The following HELLS variants were observed in gnomAD, a reference collection of about 807,000 sequenced individuals.
HELLS encodes the protein lymphoid-specific helicase.
In HELLS, 32 loss-of-function variants were observed where a neutral mutation model predicts 120.0. That is an observed-to-expected ratio of 0.27 (90% confidence interval 0.20 to 0.36). HELLS has a LOEUF of 0.36. HELLS is among the 10% of genes least tolerant of loss of function. HELLS has a pLI of 1.00. For missense variants in HELLS, 650 were observed against 993.4 expected, an observed-to-expected ratio of 0.65 and a Z score of 4.65; for synonymous variants, 341 against 323.4, an observed-to-expected ratio of 1.05 and a Z score of -0.58.
At position 94,576,781 on chromosome 10, in the gene HELLS, C is replaced by T; in HGVS notation, c.1008C>T (p.Ala336=). ...TGGTAATCACGTCATTTGAAATAGC[C>T]ATGAGAGACCGAAATGCGTTACAGG... ...HPVVITSFEI[A]MRDRNALQHC... is the part of the protein sequence containing the mutation. Residue 336 remains alanine (A), a synonymous_variant, in exon 10 of 22, where the codon GCC becomes GCT. Transcript: ENST00000348459. 1.2e-6 allele frequency: 2 copies of T among 1,607,870 alleles called. No homozygotes were observed. Among genetic ancestry groups the T allele is most frequent in the South Asian group, 1.1e-5 (1 of 89,832 alleles).
At chr10:94,584,442 A>AT (rs1033211214) in intron 12 of HELLS, among the ~76,000 whole-genome samples, 43 of 152,186 alleles carry the variant, frequency 2.8e-4, no homozygotes, top group African/African-American at 9.9e-4. Context: ...CAATGCACCA[A>AT]TAGTTATAGA....
chr10:94,578,284 C>T (rs775309535), intron 10 of HELLS, among the ~76,000 whole-genome samples: 1 of 151,962 alleles, frequency 6.6e-6, no homozygotes, highest in African/African-American at 2.4e-5. Context: ...GCACCAGGAA[C>T]CGGTTTTGTG....
chr10:94,565,900 A>AT (rs34468351), intron 6 of HELLS, among the ~76,000 whole-genome samples: 24,739 of 148,030 alleles, frequency 0.17, 2,271 homozygotes, highest in East Asian at 0.37. Flanking sequence ...ATGAAATTGA[A>AT]TTTTTTTTTT....
chr10:94,578,011 C>T (rs996196502), intron 10 of HELLS, among the ~76,000 whole-genome samples: 1 of 145,334 alleles, frequency 6.9e-6, no homozygotes, highest in Non-Finnish European at 1.5e-5. Context: ...TGCAGTGAGC[C>T]GAGATTGCGC....
At chr10:94,563,008 A>ACCTTTGAATTTAATATTATATATCCACC in intron 6 of HELLS, 132 bp downstream of exon 6, 1 of 618,674 alleles carries the variant, frequency 1.6e-6, no homozygotes, top group Non-Finnish European at 2.8e-6. Flanking sequence ...ATTATATATC[A>ACCTTTGAATTTAATATTATATATCCACC]TTTATAGGTG....
In HELLS at chr10:94,573,968, C is replaced by T; in HGVS notation, c.486C>T (p.Asn162=). 6.3e-7 allele frequency: 1 copy of T among 1,592,238 alleles called. No homozygotes were observed. The highest frequency in any genetic ancestry group is 1.1e-5 in the South Asian group (1 of 89,888). ...ACTTTTTTTCTCTACAGGATGAAAA[C>T]TCCTCCTCTACTAATCTCTGTGTGG... is the stretch of plus-strand genomic sequence containing the variant. The part of the protein sequence containing the change: ...KKNKKENEDE[N]SSSTNLCVED... The change falls in exon 8 of 22, where the codon AAC becomes AAT. Residue 162 remains asparagine (N), a synonymous_variant. Transcript: ENST00000348459.
At chr10:94,574,782 C>G (rs772101368) in intron 9 of HELLS, 46 bp downstream of exon 9, 22 of 1,450,506 alleles carry the variant, frequency 1.5e-5, no homozygotes, top group Non-Finnish European at 2.1e-5. Flanking sequence ...TACATGTTTT[C>G]TTATGCTTTG....
Position 94,574,156 on chromosome 10 carries a change from G to A in HELLS, c.674G>A (p.Trp225Ter). 6.2e-7 allele frequency: 1 copy of A among 1,613,652 alleles called. No individual in the cohort carries two copies. The highest frequency in any genetic ancestry group is 8.5e-7 in the Non-Finnish European group (1 of 1,179,666). The change falls in exon 8 of 22, where the codon TGG becomes TAG. Residue 225 changes from tryptophan to a stop codon, truncating the protein, a stop_gained. Coordinates refer to ENST00000348459, the MANE Select transcript of HELLS (RefSeq NM_018063.5). LOFTEE classifies it high-confidence loss of function. ...PKHFTGGVMRWYQVEGMEWLR... is the reference protein window; with the variant it reads ...PKHFTGGVMR ...CACTTCACTGGAGGAGTGATGCGAT[G>A]GTACCAAGTAGAAGGCATGGAATGG...
chr10:94,591,034 A>G (rs1054608830), intron 15 of HELLS, among the ~76,000 whole-genome samples: 7 of 152,088 alleles, frequency 4.6e-5, no homozygotes, highest in African/African-American at 1.7e-4. Flanking sequence ...GGGTCTTGCT[A>G]TGTTTCTCAG....
chr10:94,574,822 T>C, intron 9 of HELLS, 86 bp downstream of exon 9: 1 of 960,236 alleles, frequency 1.0e-6, no homozygotes. Context: ...GTAGAACTCT[T>C]ATAATTATAT....
At chr10:94,548,085 T>A (rs1842822196) in intron 2 of HELLS, among the ~76,000 whole-genome samples, 1 of 152,222 alleles carries the variant, frequency 6.6e-6, no homozygotes, top group South Asian at 2.1e-4. Flanking sequence ...TGATAAATAC[T>A]TCATACTACT....
intron 12 of HELLS, among the ~76,000 whole-genome samples, chr10:94,583,692 CT>C (rs1451792131): frequency 6.6e-6 from 1 of 152,128 alleles, no homozygotes; most frequent in African/African-American, 2.4e-5. Context: ...AATCCAAACT[CT>C]TTTCTGTCTT....
At chr10:94,582,900 C>A in intron 11 of HELLS, 63 bp from the exon 12 acceptor site, 1 of 853,526 alleles carries the variant, frequency 1.2e-6, no homozygotes, top group Non-Finnish European at 1.9e-6. Flanking sequence ...AATGATAAAT[C>A]ATGTATCATG....
intron 6 of HELLS, among the ~76,000 whole-genome samples, chr10:94,564,513 C>CT (rs771564790): frequency 2.2e-4 from 34 of 152,248 alleles, no homozygotes; most frequent in Non-Finnish European, 4.1e-4. Flanking sequence ...AAACCAGCTT[C>CT]TTTTTTTCAT....
chr10:94,600,135 G>GA (rs1321277074), intron 21 of HELLS, among the ~76,000 whole-genome samples: 49 of 151,944 alleles, frequency 3.2e-4, no homozygotes, highest in Admixed American at 3.2e-3. Context: ...TACTAAAATA[G>GA]AAAAAATTAG....
chr10:94,611,388 CAAAG>C (rs1347993579), exon 10 of HELLS: 3 of 152,054 alleles, frequency 2.0e-5, no homozygotes, highest in African/African-American at 4.8e-5. Flanking sequence ...TTCAATAACT[CAAAG>C]AGACCACCAC....
chr10:94,561,744 G>C (rs1294224224), intron 4 of HELLS, among the ~76,000 whole-genome samples: 1 of 152,074 alleles, frequency 6.6e-6, no homozygotes, highest in Non-Finnish European at 1.5e-5. Context: ...TGGGATTATA[G>C]GTGTGAGCCA....
chr10:94,578,070 CAAAAAAAAAAAAAAAAA>C (rs58732872), intron 10 of HELLS, among the ~76,000 whole-genome samples: 4 of 60,840 alleles, frequency 6.6e-5, no homozygotes, highest in Non-Finnish European at 1.3e-4. Flanking sequence ...GACTCCGTCT[CAAAAAAAAAAAAAAAAA>C]AAAAAAAAAA....
intron 12 of HELLS, among the ~76,000 whole-genome samples, chr10:94,585,375 G>T (rs201310898): frequency 3.9e-3 from 332 of 85,516 alleles, no homozygotes; most frequent in Middle Eastern, 0.012. Context: ...TTTTTTTTTT[G>T]TTTGTTTTTG....
Sources: allele counts gnomAD v4.1 joint callset (sites outside exome capture counted in the v4.1 genomes callset), GRCh38; gene constraint gnomAD v4.1.1; transcripts MANE v1.5; gene names NCBI Gene and HGNC (gene_info 2026-07-23, HGNC 2026-07-21).